Variants in IL6R observed in about 807,000 individuals in gnomAD.
IL6R encodes the protein interleukin-6 receptor subunit alpha.
Under a neutral mutation model 48.3 loss-of-function variants are expected in IL6R, and 38 were observed. The observed-to-expected ratio is 0.79, with a 90% CI of 0.61 to 1.03. The LOEUF (loss-of-function observed/expected upper bound fraction) is 1.03, where lower values mean the gene tolerates loss of function less well. IL6R is among the 50% of genes least tolerant of loss of function. IL6R has a pLI of 0.00. For missense variants in IL6R, 534 were observed against 618.3 expected, an observed-to-expected ratio of 0.86 and a Z score of 1.45; for synonymous variants, 264 against 256.2, an observed-to-expected ratio of 1.03 and a Z score of -0.29.
At chr1:154,423,184 C>T (rs138897976) in intron 1 of IL6R, among the ~76,000 whole-genome samples, 215 of 150,246 alleles carry the variant, frequency 1.4e-3, no homozygotes, top group African/African-American at 4.9e-3. Context: ...GTGCCCACTG[C>T]GCTCTGCCGT....
chr1:154,447,926 G>C (rs7512646), intron 6 of IL6R, among the ~76,000 whole-genome samples, 199 bp from the exon 7 acceptor site: 71,822 of 151,830 alleles, frequency 0.47, 18,132 homozygotes, highest in African/African-American at 0.64. Flanking sequence ...GTTGGTCAGG[G>C]TGGTCTCGAA....
intron 6 of IL6R, chr1:154,444,923 A>G: frequency 2.6e-6 from 1 of 391,854 alleles, no homozygotes; most frequent in Middle Eastern, 8.7e-4. Flanking sequence ...AGACTCCTTA[A>G]CTGCCCCCCA....
At chr1:154,432,507 A>G (rs1689349601) in intron 3 of IL6R, among the ~76,000 whole-genome samples, 1 of 151,916 alleles carries the variant, frequency 6.6e-6, no homozygotes. Flanking sequence ...ACAGGCGCAC[A>G]CCACCACGCC....
intron 3 of IL6R, among the ~76,000 whole-genome samples, chr1:154,434,214 G>C (rs1277649438): frequency 3.3e-5 from 5 of 151,992 alleles, no homozygotes; most frequent in Non-Finnish European, 7.4e-5. Flanking sequence ...GGCTGAGGCA[G>C]GAGAATCTCT....
intron 6 of IL6R, among the ~76,000 whole-genome samples, chr1:154,443,179 A>C (rs950924226): frequency 6.6e-6 from 1 of 152,220 alleles, no homozygotes. Flanking sequence ...CAAGAATGGG[A>C]ATCACACCTG....
chr1:154,455,271 C>A (rs1219043194), intron 9 of IL6R, among the ~76,000 whole-genome samples: 1 of 151,530 alleles, frequency 6.6e-6, no homozygotes, highest in African/African-American at 2.4e-5. Flanking sequence ...TGTGCATGCA[C>A]GTGTCTGTGA....
At chr1:154,434,955 G>A (rs1422795513) in intron 4 of IL6R, 35 bp from the exon 5 acceptor site, 1 of 1,609,500 alleles carries the variant, frequency 6.2e-7, no homozygotes, top group Non-Finnish European at 8.5e-7. Flanking sequence ...ACTATATTTG[G>A]TGCTGCAAAG....
At position 154,454,565 on chromosome 1, in the gene IL6R, A is replaced by C. The variant is rs1012615215; in HGVS notation, c.1144A>C (p.Ile382Leu). 7 of 1,612,720 alleles carry C rather than the reference A, an allele frequency of 4.3e-6. No individual in the cohort carries two copies. The African/African-American group carries it at 5.3e-5, about 12-fold the overall frequency. The change falls in exon 9 of 10, where the codon ATT becomes CTT. Residue 382 changes from isoleucine (I) to leucine (L), a missense_variant. Transcript: ENST00000368485. The stretch of plus-strand genomic sequence containing the variant: ...CCTGGCCTTCGGAACGCTCCTCTGC[A>C]TTGCCATTGTTCTGAGGTGAGATGG... ...GSLAFGTLLCIAIVLRFKKTW... is the reference protein window; with the variant it reads ...GSLAFGTLLCLAIVLRFKKTW...
intron 1 of IL6R, among the ~76,000 whole-genome samples, chr1:154,423,711 G>A (rs977164007): frequency 1.3e-5 from 2 of 152,180 alleles, no homozygotes; most frequent in African/African-American, 4.8e-5. Flanking sequence ...ACTTGCCAAT[G>A]GGTGGTTTAT....
In IL6R at chr1:154,434,517, A is replaced by G; in HGVS notation, c.459-2A>G. On this transcript the variant is annotated splice_acceptor_variant, in intron 3 of 9. Transcript: ENST00000368485. LOFTEE classifies it high-confidence loss of function. Reference sequence around the variant, plus strand: ...GCCCTGCCCTTGTTTTGTGTCTAACAGTCAGAACAGTCCGGCCGAAGACTT... The same window carrying G: ...GCCCTGCCCTTGTTTTGTGTCTAACGGTCAGAACAGTCCGGCCGAAGACTT... 6.2e-7 allele frequency: 1 copy of G among 1,612,584 alleles called. No homozygotes were observed. The highest frequency in any genetic ancestry group is 1.3e-5 in the African/African-American group (1 of 74,974).
chr1:154,424,280 G>A (rs972735790), intron 1 of IL6R, among the ~76,000 whole-genome samples: 7 of 152,192 alleles, frequency 4.6e-5, no homozygotes, highest in Admixed American at 6.5e-5. Flanking sequence ...GATGAGTGAC[G>A]ACCAGGAGCT....
At chr1:154,409,615 T>C (rs1368220130) in intron 1 of IL6R, among the ~76,000 whole-genome samples, 1 of 152,170 alleles carries the variant, frequency 6.6e-6, no homozygotes, top group Non-Finnish European at 1.5e-5. Context: ...CAGCAAGTGC[T>C]TAAATAAGTG....
At chr1:154,418,894 T>G (rs1466344524) in intron 1 of IL6R, among the ~76,000 whole-genome samples, 1 of 152,036 alleles carries the variant, frequency 6.6e-6, no homozygotes, top group African/African-American at 2.4e-5. Context: ...CCCCCCCTTG[T>G]GCACACCCCT....
rs565312911 is a variant in IL6R at position 154,410,281 on chromosome 1, T to G, written c.85+4567T>G. Among the ~76,000 whole-genome samples, 301 of 151,918 alleles carry G rather than the reference T, an allele frequency of 2.0e-3. 1 individual carries two copies. Among genetic ancestry groups the G allele is most frequent in the Non-Finnish European group, 3.7e-3 (251 of 67,918 alleles). On this transcript the variant is annotated intron_variant, in intron 1 of 9. Coordinates refer to ENST00000368485, the MANE Select transcript of IL6R (RefSeq NM_000565.4). ...TTTTTTTTTTTTAAATACAGGATCT[T>G]ACTCCCGTAGCCCAGGTTGGAGTGC...
chr1:154,450,180 C>A (rs922130660), intron 8 of IL6R, among the ~76,000 whole-genome samples, 200 bp downstream of exon 8: 2 of 150,294 alleles, frequency 1.3e-5, no homozygotes, highest in East Asian at 2.0e-4. Context: ...GGCTGGAGTG[C>A]CGTGGCATGA....
chr1:154,415,115 G>T lies in IL6R; in HGVS notation c.85+9401G>T, dbSNP rs149081736. The T allele has an allele frequency of 1.1e-4, 121 of 1,103,024 alleles. No homozygotes were observed. The African/African-American group carries it at 1.8e-3, about 16-fold the overall frequency. The allele number at this position is 1,103,024 out of a possible 1,614,324, so 68.3% of individuals were successfully genotyped here. The stretch of plus-strand genomic sequence containing the variant: ...GATTGGGGCTTTTACGGTTCCACTC[G>T]CCCTTGAGTTGCTTGTACTTGCCGT... On this transcript the variant is annotated intron_variant, in intron 1 of 9. Coordinates refer to ENST00000368485, the MANE Select transcript of IL6R (RefSeq NM_000565.4).
rs1415733937 is a variant in IL6R, at chr1:154,467,091, C to T, written c.*1711C>T. 6.6e-6 allele frequency: 1 copy of T among 152,108 alleles called. No individual in the cohort carries two copies. Among genetic ancestry groups the T allele is most frequent in the Non-Finnish European group, 1.5e-5 (1 of 68,004 alleles). 9.4% of individuals were successfully genotyped at this position (152,108 alleles called of 1,614,324 possible). On this transcript the variant is annotated 3_prime_UTR_variant, in exon 10 of 10. Coordinates refer to ENST00000368485, the MANE Select transcript of IL6R (RefSeq NM_000565.4). Reference sequence around the variant, plus strand: ...CGGCAGGGTCCTAGAAATTCCCCACCCTGAAAGCCCTGAGCTTTCTGCTAT... The same window carrying T: ...CGGCAGGGTCCTAGAAATTCCCCACTCTGAAAGCCCTGAGCTTTCTGCTAT...
In IL6R at chr1:154,424,088, C is replaced by T. The variant is rs112645160; in HGVS notation, c.86-5108C>T. On this transcript the variant is annotated intron_variant, in intron 1 of 9. Transcript: ENST00000368485. ...TCCAGGAGTCTATTTCTTGCCTCAG[C>T]GGGCTCCTCTGCCCCCCAGCCTGGG... is the stretch of plus-strand genomic sequence containing the variant. Among the ~76,000 whole-genome samples, 527 of 152,310 alleles carry T rather than the reference C, an allele frequency of 3.5e-3. 8 individuals are homozygous for T. Among genetic ancestry groups the T allele is most frequent in the Middle Eastern group, 0.014 (4 of 294 alleles).
At chr1:154,434,953 T>C in intron 4 of IL6R, 37 bp from the exon 5 acceptor site, 1 of 1,609,332 alleles carries the variant, frequency 6.2e-7, no homozygotes, top group Non-Finnish European at 8.5e-7. Context: ...ACACTATATT[T>C]GGTGCTGCAA....
Sources: allele counts gnomAD v4.1 joint callset (sites outside exome capture counted in the v4.1 genomes callset), GRCh38; gene constraint gnomAD v4.1.1; transcripts MANE v1.5; gene names NCBI Gene and HGNC (gene_info 2026-07-23, HGNC 2026-07-21).